The following BLTP3B variants were observed in gnomAD, a reference collection of about 807,000 sequenced individuals.
The protein encoded by BLTP3B is bridge-like lipid transfer protein family member 3B.
the BLTP3B span, among the ~76,000 whole-genome samples, chr12:100,131,808 T>A: frequency 6.6e-6 from 1 of 152,328 alleles, no homozygotes; most frequent in South Asian, 2.1e-4. Context: ...TGTTTTGTTT[T>A]TGAGGTGGAG....
the BLTP3B span, among the ~76,000 whole-genome samples, chr12:100,081,461 A>T: frequency 2.0e-5 from 3 of 152,106 alleles, no homozygotes; most frequent in Non-Finnish European, 4.4e-5. Context: ...CAGGTTTGTT[A>T]TACTGGTAAA....
the BLTP3B span, among the ~76,000 whole-genome samples, chr12:100,099,852 C>CA: frequency 6.6e-6 from 1 of 150,550 alleles, no homozygotes; most frequent in Admixed American, 6.6e-5. Context: ...CACTTGAGGC[C>CA]AGGAGGTTGA....
chr12:100,074,150 A>T, the BLTP3B span, among the ~76,000 whole-genome samples: 1 of 152,218 alleles, frequency 6.6e-6, no homozygotes, highest in East Asian at 1.9e-4. Context: ...CATGACTGAT[A>T]AGCAACTTCA....
the BLTP3B span, among the ~76,000 whole-genome samples, chr12:100,106,392 T>G: frequency 6.6e-6 from 1 of 152,106 alleles, no homozygotes; most frequent in Non-Finnish European, 1.5e-5. Flanking sequence ...ACAGAAAATG[T>G]GGTACATAAA....
At chr12:100,055,230 G>A in the BLTP3B span, among the ~76,000 whole-genome samples, 1 of 152,124 alleles carries the variant, frequency 6.6e-6, no homozygotes, top group Admixed American at 6.5e-5. Flanking sequence ...CTACTTACTA[G>A]CTGCATAACT....
At chr12:100,044,338 T>G in the BLTP3B span, among the ~76,000 whole-genome samples, 2 of 152,238 alleles carry the variant, frequency 1.3e-5, no homozygotes, top group Non-Finnish European at 2.9e-5. Flanking sequence ...GAAATTGTCC[T>G]GTCCTTTCTT....
the BLTP3B span, among the ~76,000 whole-genome samples, chr12:100,105,960 A>G: frequency 6.6e-6 from 1 of 152,202 alleles, no homozygotes; most frequent in Admixed American, 6.6e-5. Flanking sequence ...AAAAATGCTC[A>G]AAATCATTAA....
chr12:100,100,327 A>T, the BLTP3B span, among the ~76,000 whole-genome samples: 8 of 150,640 alleles, frequency 5.3e-5, 1 homozygote, highest in East Asian at 9.9e-4. Flanking sequence ...TAAAAAAATA[A>T]TTTTTTAAAA....
At chr12:100,119,699 T>A in the BLTP3B span, among the ~76,000 whole-genome samples, 1 of 152,094 alleles carries the variant, frequency 6.6e-6, no homozygotes, top group African/African-American at 2.4e-5. Context: ...ATAATATTTT[T>A]AAGAAGTGGT....
chr12:100,089,080 C>T, the BLTP3B span: 9 of 1,602,892 alleles, frequency 5.6e-6, no homozygotes, highest in East Asian at 2.3e-5. Context: ...TGGGCAGATG[C>T]GACTACTGTA....
the BLTP3B span, among the ~76,000 whole-genome samples, chr12:100,128,050 T>A: frequency 6.6e-6 from 1 of 152,022 alleles, no homozygotes; most frequent in African/African-American, 2.4e-5. Context: ...AAAAAAAGAA[T>A]CCCATTTGCA....
chr12:100,086,383 G>GGGGA, the BLTP3B span: 10 of 502,808 alleles, frequency 2.0e-5, no homozygotes, highest in African/African-American at 2.1e-4. Flanking sequence ...GGGGGGGGGG[G>GGGGA]AAATATTAAG....
the BLTP3B span, among the ~76,000 whole-genome samples, chr12:100,040,165 C>T: frequency 1.3e-5 from 2 of 152,098 alleles, no homozygotes; most frequent in Admixed American, 6.5e-5. Context: ...AAACGAAAGA[C>T]GTGACATTAC....
chr12:100,123,138 T>C, the BLTP3B span, among the ~76,000 whole-genome samples: 1 of 152,174 alleles, frequency 6.6e-6, no homozygotes, highest in Admixed American at 6.5e-5. Flanking sequence ...GCAGGGATCT[T>C]GTCCTCAGTC....
the BLTP3B span, among the ~76,000 whole-genome samples, chr12:100,049,838 C>G: frequency 6.6e-6 from 1 of 152,056 alleles, no homozygotes; most frequent in Non-Finnish European, 1.5e-5. Context: ...CTGTCTAGGT[C>G]TACACACACA....
chr12:100,082,616 C>A, the BLTP3B span, among the ~76,000 whole-genome samples: 7 of 152,348 alleles, frequency 4.6e-5, no homozygotes, highest in Admixed American at 3.9e-4. Context: ...ATATGACCAA[C>A]CAGTTATCCC....
At chr12:100,136,594 T>C in the BLTP3B span, among the ~76,000 whole-genome samples, 2 of 152,156 alleles carry the variant, frequency 1.3e-5, no homozygotes, top group Non-Finnish European at 2.9e-5. Context: ...AAGTTTATGA[T>C]ACAAATATTA....
chr12:100,097,874 A>G, the BLTP3B span, among the ~76,000 whole-genome samples: 1 of 152,192 alleles, frequency 6.6e-6, no homozygotes, highest in African/African-American at 2.4e-5. Flanking sequence ...AAGATTTACT[A>G]GAGTAAAGAC....
At chr12:100,127,078 GAT>G in the BLTP3B span, among the ~76,000 whole-genome samples, 18 of 148,694 alleles carry the variant, frequency 1.2e-4, no homozygotes, top group Non-Finnish European at 2.4e-4. Context: ...AAAAAAAAAA[GAT>G]ATGTTTTAAG....
Sources: allele counts gnomAD v4.1 joint callset (sites outside exome capture counted in the v4.1 genomes callset), GRCh38; gene constraint gnomAD v4.1.1; transcripts MANE v1.5; gene names NCBI Gene and HGNC (gene_info 2026-07-23, HGNC 2026-07-21).